Variants in PIK3R5 observed in about 807,000 individuals in gnomAD.
PIK3R5 encodes the protein phosphoinositide 3-kinase regulatory subunit 5.
Under a neutral mutation model 94.9 loss-of-function variants are expected in PIK3R5, and 32 were observed. The ratio of observed to expected loss-of-function variants is 0.34; its 90% CI spans 0.25 to 0.45. The LOEUF is 0.45. Among genes scored for constraint, PIK3R5 ranks in the 20% least tolerant of loss-of-function variants. The pLI is 1.00. For missense variants in PIK3R5, 853 were observed against 1,144.6 expected, an observed-to-expected ratio of 0.75 and a Z score of 3.68; for synonymous variants, 443 against 479.4, an observed-to-expected ratio of 0.92 and a Z score of 0.99.
chr17:8,953,491 A>G (rs1402120850), intron 1 of PIK3R5, among the ~76,000 whole-genome samples: 1 of 152,144 alleles, frequency 6.6e-6, no homozygotes. Context: ...ACCAACAGCT[A>G]TCATAGCACC....
chr17:8,937,211 C>G (rs538596048), intron 1 of PIK3R5, among the ~76,000 whole-genome samples: 1 of 152,290 alleles, frequency 6.6e-6, no homozygotes. Flanking sequence ...TGAACAGAAA[C>G]TTCCTTCCCA....
chr17:8,956,190 G>A (rs371587115), intron 1 of PIK3R5, among the ~76,000 whole-genome samples: 14 of 151,826 alleles, frequency 9.2e-5, no homozygotes, highest in African/African-American at 2.4e-4. Context: ...AAAATTTGTC[G>A]GGCATCAGAC....
In PIK3R5 at chr17:8,913,584, C is replaced by T. The variant is rs1215661347; in HGVS notation, c.-13-2077G>A. On this transcript the variant is annotated intron_variant, in intron 1 of 18. Transcript: ENST00000447110. ...AACATTAGCCAGGCGTGGTGGCAGG[C>T]ACCTGTAATCCCAGTTACCCGGGAG... Among the ~76,000 whole-genome samples the T allele has an allele frequency of 3.9e-5, 6 of 152,164 alleles. No homozygotes were observed. The East Asian group carries it at 7.7e-4, about 20-fold the overall frequency.
At chr17:8,885,791 T>C (rs1331998965) in intron 14 of PIK3R5, among the ~76,000 whole-genome samples, 10 of 71,408 alleles carry the variant, frequency 1.4e-4, no homozygotes, top group African/African-American at 6.0e-4. Context: ...GCCTCCTGGG[T>C]AACCCCGCCC....
chr17:8,887,674 C>T lies in PIK3R5; in HGVS notation c.1626G>A (p.Glu542=). The T allele has an allele frequency of 1.3e-6, 2 of 1,596,086 alleles. No individual in the cohort carries two copies. Among genetic ancestry groups the T allele is most frequent in the Non-Finnish European group, 8.5e-7 (1 of 1,171,168 alleles). The change falls in exon 11 of 19, where the codon GAG becomes GAA. Residue 542 remains glutamate, a synonymous_variant. Coordinates refer to ENST00000447110, the MANE Select transcript of PIK3R5 (RefSeq NM_001142633.3). ...ACCGTGTGAGGAGTGGGCGATTGTT[C>T]TCCAGCCGCCTGGCAAGAAGAAGAT... ...ARAYSNLRRL[E]NNRPLLTRFF... is the part of the protein sequence containing the mutation.
chr17:8,886,178 T>C (rs762683695), intron 14 of PIK3R5, 51 bp downstream of exon 14: 1 of 1,414,366 alleles, frequency 7.1e-7, no homozygotes. Context: ...GCTCCACGTT[T>C]CGCGTCCCAG....
chr17:8,953,268 T>C (rs1035513585), intron 1 of PIK3R5, among the ~76,000 whole-genome samples: 1 of 152,192 alleles, frequency 6.6e-6, no homozygotes, highest in Non-Finnish European at 1.5e-5. Context: ...GCCTTGGACC[T>C]GAGCTACTTA....
At chr17:8,899,951 T>C (rs1476125528) in intron 5 of PIK3R5, among the ~76,000 whole-genome samples, 1 of 151,794 alleles carries the variant, frequency 6.6e-6, no homozygotes, top group Non-Finnish European at 1.5e-5. Flanking sequence ...GGCAGAAGAA[T>C]CGCTTGAACC....
At position 8,881,475 on chromosome 17, in the gene PIK3R5, CCT is replaced by C. The variant is rs879037686; in HGVS notation, c.2382+153_2382+154del. 3.3e-5 allele frequency among the ~76,000 whole-genome samples: 5 copies of C among 152,172 alleles called. No individual in the cohort carries two copies. Among genetic ancestry groups the C allele is most frequent in the South Asian group, 2.1e-4 (1 of 4,826 alleles). On this transcript the variant is annotated intron_variant, in intron 17 of 18. Transcript: ENST00000447110. This position sits in a 1 kb window ranked among gnomAD's most constrained non-coding sequence, Gnocchi z 4.8. ...ACCCTGCCTCTCCTCCCCCACCTCT[CCT>C]CTCTCTCTCACACACACACAAGTAT...
rs754503109 is a variant in PIK3R5 at position 8,941,610 on chromosome 17, C to G, written c.-14+23986G>C. Among the ~76,000 whole-genome samples the G allele has an allele frequency of 2.6e-5, 4 of 152,250 alleles. No homozygotes were observed. The East Asian group carries it at 7.7e-4, about 29-fold the overall frequency. ...TGCTGCGCTTGCCCCCAGGCACAGCCGCAGAATTTGCACATCTGGCCTGTG... is the reference window on the plus strand; with the variant it reads ...TGCTGCGCTTGCCCCCAGGCACAGCGGCAGAATTTGCACATCTGGCCTGTG... On this transcript the variant is annotated intron_variant, in intron 1 of 18. Coordinates refer to ENST00000447110, the MANE Select transcript of PIK3R5 (RefSeq NM_001142633.3).
At chr17:8,923,638 C>T (rs1012947080) in intron 1 of PIK3R5, among the ~76,000 whole-genome samples, 3 of 152,142 alleles carry the variant, frequency 2.0e-5, no homozygotes, top group South Asian at 2.1e-4. Flanking sequence ...AGGCAGCAAC[C>T]GAATTCTTTG....
intron 1 of PIK3R5, among the ~76,000 whole-genome samples, chr17:8,918,301 C>A (rs2090668492): frequency 6.6e-6 from 1 of 152,128 alleles, no homozygotes; most frequent in Non-Finnish European, 1.5e-5. Flanking sequence ...ACAAAATAAA[C>A]CCAGCACATC....
chr17:8,954,937 CAAAAAAAAAA>C (rs4065024), intron 1 of PIK3R5, among the ~76,000 whole-genome samples: 1 of 101,126 alleles, frequency 9.9e-6, no homozygotes, highest in Non-Finnish European at 2.1e-5. Context: ...AACTCCGTCT[CAAAAAAAAAA>C]AAAAAAAAAA....
At chr17:8,913,758 C>T (rs1210314855) in intron 1 of PIK3R5, among the ~76,000 whole-genome samples, 1 of 152,192 alleles carries the variant, frequency 6.6e-6, no homozygotes, top group Non-Finnish European at 1.5e-5. Context: ...GACTCAAGAC[C>T]TTGGGTGTGT....
intron 3 of PIK3R5, among the ~76,000 whole-genome samples, chr17:8,907,551 G>A (rs1309359657): frequency 6.6e-6 from 1 of 150,400 alleles, no homozygotes; most frequent in Non-Finnish European, 1.5e-5. Context: ...AAAGGATTTT[G>A]CCATTTATAC....
chr17:8,897,285 G>A (rs1320340984), intron 5 of PIK3R5, among the ~76,000 whole-genome samples: 1 of 152,236 alleles, frequency 6.6e-6, no homozygotes. Context: ...AGGTGAGAAG[G>A]AATGTGGCTA....
At chr17:8,902,641 T>G (rs2090312596) in intron 5 of PIK3R5, among the ~76,000 whole-genome samples, 1 of 152,154 alleles carries the variant, frequency 6.6e-6, no homozygotes, top group South Asian at 2.1e-4. Flanking sequence ...AGCTTTAAAT[T>G]TTATGCTTTC....
At position 8,881,493 on chromosome 17, in the gene PIK3R5, ACAC is replaced by A. The variant is rs1278084987; in HGVS notation, c.2382+134_2382+136del. 1.9e-5 allele frequency: 14 copies of A among 738,518 alleles called. No homozygotes were observed. Among genetic ancestry groups the A allele is most frequent in the Admixed American group, 1.5e-4 (7 of 45,934 alleles). The allele number at this position is 738,518 out of a possible 1,614,324, so 45.7% of individuals were successfully genotyped here. On this transcript the variant is annotated intron_variant, in intron 17 of 18. Coordinates refer to ENST00000447110, the MANE Select transcript of PIK3R5 (RefSeq NM_001142633.3). This position sits in a 1 kb window ranked among gnomAD's most constrained non-coding sequence, Gnocchi z 4.8. ...CACCTCTCCTCTCTCTCTCACACAC[ACAC>A]AAGTATGTACACACGGGTGTGTATG...
chr17:8,938,463 T>C (rs1433780636), intron 1 of PIK3R5, among the ~76,000 whole-genome samples: 3 of 152,218 alleles, frequency 2.0e-5, no homozygotes, highest in Non-Finnish European at 2.9e-5. Flanking sequence ...TATGTAACCA[T>C]CACAACTATC....
Sources: allele counts gnomAD v4.1 joint callset (sites outside exome capture counted in the v4.1 genomes callset), GRCh38; gene constraint gnomAD v4.1.1; non-coding constraint Gnocchi (gnomAD v3.1); transcripts MANE v1.5; gene names NCBI Gene and HGNC (gene_info 2026-07-23, HGNC 2026-07-21).